The following EGFLAM variants were observed in gnomAD, a reference collection of about 807,000 sequenced individuals.
EGFLAM encodes EGF like, fibronectin type III and laminin G domains.
A neutral mutation model predicts 113.1 loss-of-function variants in EGFLAM; 79 were observed. The ratio of observed to expected loss-of-function variants is 0.70; its 90% CI spans 0.58 to 0.84. The LOEUF (loss-of-function observed/expected upper bound fraction) is 0.84. Ranked by LOEUF, EGFLAM falls within the 40% of genes least tolerant of loss-of-function variation. The pLI, the probability that EGFLAM is intolerant of heterozygous loss-of-function variation, is 0.00. For missense variants in EGFLAM, 1,265 were observed against 1,291.6 expected (o/e 0.98, Z 0.32); for synonymous variants, 504 against 487.6 (o/e 1.03, Z -0.44).
intron 20 of EGFLAM, among the ~76,000 whole-genome samples, chr5:38,461,793 CAA>C (rs1194999534): frequency 6.6e-6 from 1 of 152,146 alleles, no homozygotes; most frequent in Non-Finnish European, 1.5e-5. Context: ...TTGAAAACTA[CAA>C]AGCCCTTGCC....
intron 21 of EGFLAM, 121 bp from the exon 22 acceptor site, chr5:38,463,711 T>A: frequency 8.2e-7 from 1 of 1,216,656 alleles, no homozygotes. Flanking sequence ...CCCTCACATG[T>A]CCCATGAATC....
intron 5 of EGFLAM, among the ~76,000 whole-genome samples, chr5:38,369,320 T>G (rs1399449443): frequency 6.6e-6 from 1 of 152,244 alleles, no homozygotes; most frequent in East Asian, 1.9e-4. Context: ...TTTTTATTTT[T>G]CTTTAAAATC....
intron 20 of EGFLAM, 54 bp from the exon 21 acceptor site, chr5:38,462,854 A>C: frequency 6.3e-7 from 1 of 1,586,484 alleles, no homozygotes. Context: ...GAATGATTGA[A>C]TGAACTCCAA....
intron 17 of EGFLAM, among the ~76,000 whole-genome samples, chr5:38,447,641 A>G (rs576488747): frequency 6.6e-6 from 1 of 152,100 alleles, no homozygotes; most frequent in Non-Finnish European, 1.5e-5. Flanking sequence ...CTGTAATCCC[A>G]GCTACTTGAG....
At chr5:38,386,205 A>T (rs1740657156) in intron 6 of EGFLAM, among the ~76,000 whole-genome samples, 1 of 152,196 alleles carries the variant, frequency 6.6e-6, no homozygotes. Context: ...TCAGCCATTC[A>T]TTTCACAAAT....
At chr5:38,458,195 G>A in intron 19 of EGFLAM, 116 bp from the exon 20 acceptor site, 1 of 837,618 alleles carries the variant, frequency 1.2e-6, no homozygotes, top group Non-Finnish European at 1.8e-6. Context: ...TTTTGTTAAG[G>A]AAACTGCACT....
chr5:38,362,134 G>A (rs902771396), intron 5 of EGFLAM, among the ~76,000 whole-genome samples: 2 of 152,046 alleles, frequency 1.3e-5, no homozygotes, highest in South Asian at 2.1e-4. Context: ...CCCGACCCCC[G>A]CAATGCCCCA....
intron 1 of EGFLAM, among the ~76,000 whole-genome samples, chr5:38,264,921 T>C (rs1400381522): frequency 2.0e-5 from 3 of 152,206 alleles, no homozygotes; most frequent in Admixed American, 1.3e-4. Flanking sequence ...ATCACTGTGC[T>C]TCCCCTCCTA....
chr5:38,405,609 G>C (rs1456506388), intron 6 of EGFLAM, among the ~76,000 whole-genome samples: 3 of 152,058 alleles, frequency 2.0e-5, no homozygotes. Context: ...GATGTTGTTT[G>C]TTCTTATAAA....
At chr5:38,271,749 G>A (rs2589796) in intron 1 of EGFLAM, among the ~76,000 whole-genome samples, 94,064 of 152,014 alleles carry the variant, frequency 0.62, 30,224 homozygotes, top group African/African-American at 0.79. Context: ...TTTATATTAT[G>A]TTATCTGTCT....
At chr5:38,435,864 C>CTGTA (rs567601461) in intron 16 of EGFLAM, among the ~76,000 whole-genome samples, 1,296 of 127,334 alleles carry the variant, frequency 0.01, 31 homozygotes, top group African/African-American at 0.038. Context: ...GTCGCCCAGG[C>CTGTA]TGTAGCGCAG....
Position 38,358,855 on chromosome 5 carries a change from C to G in EGFLAM, c.545+6524C>G, listed in dbSNP as rs375781085. On this transcript the variant is annotated intron_variant, in intron 5 of 21. Coordinates refer to ENST00000322350, the MANE Select transcript of EGFLAM (RefSeq NM_152403.4). ...TCTGAAGAGGCAAGTTCTGAGTAAGCCTTCAGGCTGTAACATATTTTGCAG... is the reference window on the plus strand; with the variant it reads ...TCTGAAGAGGCAAGTTCTGAGTAAGGCTTCAGGCTGTAACATATTTTGCAG... 4.6e-5 allele frequency among the ~76,000 whole-genome samples: 7 copies of G among 152,238 alleles called. No homozygotes were observed. The South Asian group carries it at 1.2e-3, about 27-fold the overall frequency.
chr5:38,425,212 T>G (rs998423094), intron 13 of EGFLAM, 120 bp downstream of exon 13: 1 of 1,440,204 alleles, frequency 6.9e-7, no homozygotes, highest in Non-Finnish European at 9.2e-7. Context: ...AAAGGCTCCC[T>G]CTCTTACCCA....
chr5:38,363,617 T>C (rs367890553), intron 5 of EGFLAM, among the ~76,000 whole-genome samples: 1 of 152,224 alleles, frequency 6.6e-6, no homozygotes, highest in Non-Finnish European at 1.5e-5. Context: ...AATCCATTGC[T>C]AGGTTTTTTA....
chr5:38,270,090 G>C (rs1757732426), intron 1 of EGFLAM, among the ~76,000 whole-genome samples: 1 of 152,142 alleles, frequency 6.6e-6, no homozygotes, highest in Non-Finnish European at 1.5e-5. Flanking sequence ...TGCGTGTCAT[G>C]GGACACTCTG....
intron 13 of EGFLAM, among the ~76,000 whole-genome samples, chr5:38,425,853 C>T (rs186773183): frequency 2.4e-4 from 37 of 152,256 alleles, no homozygotes; most frequent in South Asian, 8.3e-4. Context: ...TGAGGCCAGG[C>T]GCAGTGGCTC....
intron 1 of EGFLAM, among the ~76,000 whole-genome samples, chr5:38,317,736 C>T (rs987306738): frequency 1.3e-5 from 2 of 152,218 alleles, no homozygotes; most frequent in African/African-American, 2.4e-5. Flanking sequence ...TAAACCCCAT[C>T]TTCTTCTAAC....
At chr5:38,344,806 A>C (rs1739434339) in intron 3 of EGFLAM, among the ~76,000 whole-genome samples, 1 of 152,182 alleles carries the variant, frequency 6.6e-6, no homozygotes, top group Admixed American at 6.5e-5. Flanking sequence ...GATGAGGAAA[A>C]GAGGAAAGGA....
intron 19 of EGFLAM, among the ~76,000 whole-genome samples, chr5:38,454,104 C>T (rs1450425200): frequency 6.6e-6 from 1 of 152,310 alleles, no homozygotes; most frequent in East Asian, 1.9e-4. Flanking sequence ...TGGAGCCGCC[C>T]CATTGCTGCC....
Sources: gnomAD v4.1 joint callset for allele counts (sites outside exome capture counted in the v4.1 genomes callset) on GRCh38, gnomAD v4.1.1 for gene constraint, MANE v1.5 for transcripts, NCBI Gene and HGNC (gene_info 2026-07-23, HGNC 2026-07-21) for gene names.